The following DNAH9 variants were observed in gnomAD, a reference collection of about 807,000 sequenced individuals.
The protein encoded by DNAH9 is DNAH9 variant protein.
A neutral mutation model predicts 471.6 loss-of-function variants in DNAH9; 345 were observed. The ratio of observed to expected loss-of-function variants is 0.73; its 90% CI spans 0.67 to 0.80. DNAH9 has a LOEUF of 0.80. Ranked by LOEUF, DNAH9 falls within the 30% of genes least tolerant of loss-of-function variation. DNAH9 has a pLI of 0.00. For missense variants in DNAH9, 5,407 were observed against 5,609.2 expected (o/e 0.96, Z 1.15); for synonymous variants, 2,093 against 2,123.6 (o/e 0.99, Z 0.40).
intron 6 of DNAH9, among the ~76,000 whole-genome samples, chr17:11,625,136 G>T (rs1001401104): frequency 6.6e-6 from 1 of 152,040 alleles, no homozygotes; most frequent in Non-Finnish European, 1.5e-5. Flanking sequence ...AGATTCTGCA[G>T]ATCCCCTGTT....
chr17:11,881,684 G>A (rs554784847), intron 55 of DNAH9, among the ~76,000 whole-genome samples: 47 of 152,210 alleles, frequency 3.1e-4, no homozygotes, highest in African/African-American at 9.9e-4. Flanking sequence ...CAAGGTGGGC[G>A]GATCATGAGG....
chr17:11,850,706 C>T (rs557258258), intron 49 of DNAH9, among the ~76,000 whole-genome samples: 26 of 151,848 alleles, frequency 1.7e-4, no homozygotes, highest in African/African-American at 6.0e-4. Flanking sequence ...CACCACGCTG[C>T]TCTATCTGCC....
intron 26 of DNAH9, among the ~76,000 whole-genome samples, chr17:11,709,582 A>G (rs2074795993): frequency 6.6e-6 from 1 of 152,202 alleles, no homozygotes; most frequent in Non-Finnish European, 1.5e-5. Flanking sequence ...CCAAATGATT[A>G]TGCCTGTTTC....
intron 67 of DNAH9, among the ~76,000 whole-genome samples, chr17:11,954,778 A>AG (rs1332093731): frequency 6.8e-6 from 1 of 146,006 alleles, no homozygotes; most frequent in African/African-American, 2.5e-5. Context: ...TTAAAAAAAA[A>AG]AAAAAAAAAA....
At chr17:11,801,625 C>T (rs1390777963) in intron 43 of DNAH9, among the ~76,000 whole-genome samples, 3 of 151,926 alleles carry the variant, frequency 2.0e-5, no homozygotes, top group Non-Finnish European at 2.9e-5. Flanking sequence ...CGGGAGGCAG[C>T]GGTTGCAGTG....
intron 6 of DNAH9, among the ~76,000 whole-genome samples, chr17:11,625,336 C>T (rs9905224): frequency 0.012 from 1,865 of 152,292 alleles, 30 homozygotes; most frequent in African/African-American, 0.042. Flanking sequence ...ATCCACACCG[C>T]GTTTCCTTTT....
intron 17 of DNAH9, among the ~76,000 whole-genome samples, chr17:11,671,714 C>T (rs1421383573): frequency 6.6e-6 from 1 of 152,152 alleles, no homozygotes; most frequent in Admixed American, 6.5e-5. Context: ...CAGGGAAGTC[C>T]CTCTAGAGTT....
At chr17:11,747,855 C>T in intron 32 of DNAH9, 89 bp downstream of exon 32, 1 of 1,201,960 alleles carries the variant, frequency 8.3e-7, no homozygotes, top group South Asian at 1.3e-5. Context: ...ATTGCAGAAG[C>T]AAACATTGGA....
At chr17:11,828,868 G>T (rs1261921838) in intron 48 of DNAH9, among the ~76,000 whole-genome samples, 1 of 152,102 alleles carries the variant, frequency 6.6e-6, no homozygotes, top group Non-Finnish European at 1.5e-5. Flanking sequence ...AATATATCAA[G>T]CTATACTGCT....
chr17:11,836,120 G>A (rs1597715765), intron 49 of DNAH9, among the ~76,000 whole-genome samples: 1 of 152,328 alleles, frequency 6.6e-6, no homozygotes, highest in East Asian at 1.9e-4. Context: ...GGCACAGTGG[G>A]TGGGATGCAC....
At chr17:11,659,019 A>G (rs2073705154) in intron 14 of DNAH9, among the ~76,000 whole-genome samples, 1 of 152,032 alleles carries the variant, frequency 6.6e-6, no homozygotes, top group Non-Finnish European at 1.5e-5. Flanking sequence ...GTTGGGAAGT[A>G]TTTCCTCTTT....
chr17:11,816,459 A>G (rs717787), intron 45 of DNAH9, among the ~76,000 whole-genome samples: 82,667 of 151,580 alleles, frequency 0.55, 22,971 homozygotes, highest in Non-Finnish European at 0.59. Flanking sequence ...AAATACTACT[A>G]TTGGACATGT....
intron 50 of DNAH9, among the ~76,000 whole-genome samples, chr17:11,857,132 G>A (rs914023967): frequency 4.6e-5 from 7 of 152,140 alleles, no homozygotes; most frequent in Non-Finnish European, 8.8e-5. Flanking sequence ...CTTGACTCAA[G>A]TTATTTTAAC....
chr17:11,617,762 A>G (rs2072776781), intron 5 of DNAH9, 140 bp downstream of exon 5: 2 of 639,984 alleles, frequency 3.1e-6, no homozygotes, highest in African/African-American at 1.8e-5. Flanking sequence ...GAATTACAGT[A>G]TTTTACTCTC....
chr17:11,638,438 G>A (rs2073204254), intron 9 of DNAH9, among the ~76,000 whole-genome samples: 1 of 152,068 alleles, frequency 6.6e-6, no homozygotes, highest in East Asian at 1.9e-4. Flanking sequence ...AGACTGGAGT[G>A]CAGTGGCACG....
At position 11,840,707 on chromosome 17, in the gene DNAH9, G is replaced by C. The variant is rs115103898; in HGVS notation, c.9507+5809G>C. The stretch of plus-strand genomic sequence containing the variant: ...CAGGTGGGCCCTAAGTAATCACAAG[G>C]GTCCATAGAAGAGAGAGAAAAAAGG... On this transcript the variant is annotated intron_variant, in intron 49 of 68. Coordinates refer to ENST00000262442, the MANE Select transcript of DNAH9 (RefSeq NM_001372.4). 7.9e-3 allele frequency among the ~76,000 whole-genome samples: 1,207 copies of C among 152,230 alleles called. 17 individuals carry two copies. The highest frequency in any genetic ancestry group is 0.028 in the African/African-American group (1,154 of 41,536).
Position 11,688,450 on chromosome 17 carries a change from T to C in DNAH9, c.3744-1116T>C, listed in dbSNP as rs1194591029. 3.9e-5 allele frequency among the ~76,000 whole-genome samples: 6 copies of C among 152,052 alleles called. 1 individual carries two copies. Among genetic ancestry groups the C allele is most frequent in the Admixed American group, 3.9e-4 (6 of 15,276 alleles). ...GAGGAGCCAGATTCAAGGCACACAG[T>C]GAAGGAAAGTGACCACGATTATCTA... On this transcript the variant is annotated intron_variant, in intron 19 of 68. Transcript: ENST00000262442.
rs1426980317 is a variant in DNAH9, at chr17:11,822,931, TCAGACTCTAC to T, written c.9148_9157del (p.Leu3050AlafsTer22). On this transcript the variant is annotated frameshift_variant, in exon 48 of 69. Coordinates refer to ENST00000262442, the MANE Select transcript of DNAH9 (RefSeq NM_001372.4). LOFTEE classifies it high-confidence loss of function. The stretch of plus-strand genomic sequence containing the variant: ...ACTCCCAAGTCCTTTCTGGAGTTCA[TCAGACTCTAC>T]CAGAGCTTGTTGCACAGGCACAGAA... 1.9e-6 allele frequency: 3 copies of T among 1,614,104 alleles called. No homozygotes were observed. In the African/African-American group the frequency reaches 4.0e-5, roughly 22 times the overall value.
chr17:11,734,993 G>A (rs183117178), intron 28 of DNAH9, among the ~76,000 whole-genome samples: 2 of 152,266 alleles, frequency 1.3e-5, no homozygotes, highest in African/African-American at 4.8e-5. Context: ...CTGTTCCGAC[G>A]CACCTCATTG....
Sources: allele counts gnomAD v4.1 joint callset (sites outside exome capture counted in the v4.1 genomes callset), GRCh38; gene constraint gnomAD v4.1.1; transcripts MANE v1.5; gene names NCBI Gene and HGNC (gene_info 2026-07-23, HGNC 2026-07-21).